Variants in DCDC2C observed in about 807,000 individuals in gnomAD.
DCDC2C encodes the protein doublecortin domain-containing protein 2C.
Under a neutral mutation model 45.0 loss-of-function variants are expected in DCDC2C, and 44 were observed. The ratio of observed to expected loss-of-function variants is 0.98; its 90% CI spans 0.77 to 1.26. The LOEUF (loss-of-function observed/expected upper bound fraction) is 1.26, where lower values mean the gene tolerates loss of function less well. Among genes scored for constraint, DCDC2C ranks in the 50% most tolerant of loss-of-function variants. The pLI is 0.00. For synonymous variants in DCDC2C, 187 were observed against 178.8 expected, an observed-to-expected ratio of 1.05 and a Z score of -0.37; for missense variants, 447 against 468.9, an observed-to-expected ratio of 0.95 and a Z score of 0.43.
chr2:3,764,375 G>A (rs748906322), intron 6 of DCDC2C, among the ~76,000 whole-genome samples: 1 of 152,116 alleles, frequency 6.6e-6, no homozygotes, highest in Non-Finnish European at 1.5e-5. Context: ...TGTAATTTGC[G>A]CTGTTTAAGA....
chr2:3,744,538 C>T (rs1572578911), intron 4 of DCDC2C, among the ~76,000 whole-genome samples: 1 of 152,150 alleles, frequency 6.6e-6, no homozygotes, highest in Admixed American at 6.5e-5. Flanking sequence ...GGGAAAACGC[C>T]GTGCAGCAAG....
chr2:3,706,821 A>T (rs888134327), intron 1 of DCDC2C, among the ~76,000 whole-genome samples: 1 of 152,236 alleles, frequency 6.6e-6, no homozygotes, highest in Non-Finnish European at 1.5e-5. Flanking sequence ...TTGGCCTCAG[A>T]GCCAGAGACT....
chr2:3,817,357 G>A (rs1219074589), intron 10 of DCDC2C, among the ~76,000 whole-genome samples: 1 of 152,196 alleles, frequency 6.6e-6, no homozygotes, highest in East Asian at 1.9e-4. Flanking sequence ...GCATGGTGGT[G>A]CAGGATATGG....
In DCDC2C at chr2:3,785,157, A is replaced by C. The variant is rs1448795087; in HGVS notation, c.1065+57A>C. On this transcript the variant is annotated intron_variant, in intron 10 of 10. Coordinates refer to ENST00000399143, the MANE Select transcript of DCDC2C (RefSeq NM_001287444.2). ...CGTTTTCTATTCTGAAGACAGACCT[A>C]ACAAGAGAATCCACGGATCCCCAAA... 5 of 1,196,960 alleles carry C rather than the reference A, an allele frequency of 4.2e-6. No homozygotes were observed. In the African/African-American group the frequency reaches 4.7e-5, roughly 11 times the overall value. 74.1% of individuals were successfully genotyped at this position (1,196,960 alleles called of 1,614,324 possible). A position where few individuals can be genotyped will look rare whatever the true frequency, so the allele number is the denominator to read the frequency against.
At chr2:3,846,587 A>G (rs570003223) in intron 10 of DCDC2C, among the ~76,000 whole-genome samples, 1 of 152,344 alleles carries the variant, frequency 6.6e-6, no homozygotes, top group Admixed American at 6.5e-5. Context: ...GGTAAAGGAG[A>G]TTCATTTTAC....
chr2:3,734,588 G>A lies in DCDC2C; in HGVS notation c.417-7332G>A, dbSNP rs779512182. On this transcript the variant is annotated intron_variant, in intron 3 of 10. Coordinates refer to ENST00000399143, the MANE Select transcript of DCDC2C (RefSeq NM_001287444.2). The surrounding 1 kb of genome is among the most constrained non-coding windows in gnomAD (Gnocchi z 4.2). ...AGAAATGCTGTGTTCTCATTAAGCA[G>A]TGGGGTCTGTAGGGTCTGAACGGGA... is the stretch of plus-strand genomic sequence containing the variant. Among the ~76,000 whole-genome samples, 8 of 152,224 alleles carry A rather than the reference G, an allele frequency of 5.3e-5. No homozygotes were observed. Among genetic ancestry groups the A allele is most frequent in the Non-Finnish European group, 8.8e-5 (6 of 68,044 alleles).
At chr2:3,835,834 C>T (rs1672062800) in intron 10 of DCDC2C, among the ~76,000 whole-genome samples, 1 of 152,074 alleles carries the variant, frequency 6.6e-6, no homozygotes, top group African/African-American at 2.4e-5. Flanking sequence ...GCATCAAACT[C>T]CTGGGCTCAA....
chr2:3,703,888 T>C lies in DCDC2C; in HGVS notation c.137T>C (p.Leu46Pro). 1 of 1,324,320 alleles carries C rather than the reference T, an allele frequency of 7.6e-7. No homozygotes were observed. The highest frequency in any genetic ancestry group is 9.7e-7 in the Non-Finnish European group (1 of 1,032,628). 82.0% of individuals were successfully genotyped at this position (1,324,320 alleles called of 1,614,324 possible). The stretch of plus-strand genomic sequence containing the variant: ...CGCCGCGCGGCCACCTTCGAGGCGC[T>C]GCTGGAGCAGCTCACGGAGCAGGTG... Reference protein sequence around the residue: ...SRRRAATFEALLEQLTEQVDV... With the variant: ...SRRRAATFEAPLEQLTEQVDV... The change falls in exon 1 of 11, where the codon CTG (leucine) becomes CCG (proline). Residue 46 changes from leucine to proline, a missense_variant. Transcript: ENST00000399143. This position sits in a 1 kb window ranked among gnomAD's most constrained non-coding sequence, Gnocchi z 4.4.
At position 3,752,601 on chromosome 2, in the gene DCDC2C, C is replaced by T. The variant is rs184695782; in HGVS notation, c.546-162C>T. 333 of 789,512 alleles carry T rather than the reference C, an allele frequency of 4.2e-4. No homozygotes were observed. In the African/African-American group the frequency reaches 4.2e-3, roughly 10 times the overall value. 48.9% of individuals were successfully genotyped at this position (789,512 alleles called of 1,614,324 possible). ...AGTCTAATCCTGGAAGAGCAGTTCC[C>T]GTCGGGTTTAATTGGCCCGTTTGGA... is the stretch of plus-strand genomic sequence containing the variant. On this transcript the variant is annotated intron_variant, in intron 4 of 10. Coordinates refer to ENST00000399143, the MANE Select transcript of DCDC2C (RefSeq NM_001287444.2).
intron 10 of DCDC2C, among the ~76,000 whole-genome samples, chr2:3,791,269 T>C (rs541519945): frequency 2.0e-5 from 3 of 152,346 alleles, no homozygotes; most frequent in Admixed American, 6.5e-5. Context: ...AGGTATTGCA[T>C]TGGCATTTTA....
intron 1 of DCDC2C, among the ~76,000 whole-genome samples, chr2:3,704,935 T>G (rs1242866146): frequency 6.6e-6 from 1 of 152,190 alleles, no homozygotes; most frequent in Non-Finnish European, 1.5e-5. Flanking sequence ...TGATCTCAGC[T>G]GCTTTTCTCT....
At chr2:3,777,000 C>A (rs1299478348) in intron 8 of DCDC2C, among the ~76,000 whole-genome samples, 26 of 152,096 alleles carry the variant, frequency 1.7e-4, no homozygotes, top group Admixed American at 1.7e-3. Flanking sequence ...ATCTCTCCAC[C>A]CCTCTCTGCC....
At position 3,783,317 on chromosome 2, in the gene DCDC2C, G is replaced by A. The variant is rs554133078; in HGVS notation, c.1024-1742G>A. Among the ~76,000 whole-genome samples the A allele has an allele frequency of 3.3e-5, 5 of 152,162 alleles. No homozygotes were observed. The East Asian group carries it at 7.7e-4, about 24-fold the overall frequency. ...ATCCTGTGCATGTTCTGGCCTATCCGGAGCTGTGCCTGATGCCTGCTGCAC... is the reference window on the plus strand; with the variant it reads ...ATCCTGTGCATGTTCTGGCCTATCCAGAGCTGTGCCTGATGCCTGCTGCAC... On this transcript the variant is annotated intron_variant, in intron 9 of 10. Coordinates refer to ENST00000399143, the MANE Select transcript of DCDC2C (RefSeq NM_001287444.2).
chr2:3,746,641 G>A (rs191589878), intron 4 of DCDC2C, among the ~76,000 whole-genome samples: 43 of 152,300 alleles, frequency 2.8e-4, no homozygotes, highest in African/African-American at 1.0e-3. Flanking sequence ...CTAGGAGCCG[G>A]GAGGTGATAA....
intron 10 of DCDC2C, among the ~76,000 whole-genome samples, chr2:3,816,656 T>C (rs908164125): frequency 6.6e-6 from 1 of 152,154 alleles, no homozygotes; most frequent in East Asian, 1.9e-4. Flanking sequence ...CTTATCAGGG[T>C]GAAAGTATTG....
At position 3,797,154 on chromosome 2, in the gene DCDC2C, C is replaced by T. The variant is rs575917009; in HGVS notation, c.1065+12054C>T. 7.8e-3 allele frequency among the ~76,000 whole-genome samples: 1,185 copies of T among 152,258 alleles called. 13 individuals carry two copies. Among genetic ancestry groups the T allele is most frequent in the African/African-American group, 0.027 (1,137 of 41,556 alleles). On this transcript the variant is annotated intron_variant, in intron 10 of 10. Transcript: ENST00000399143. ...TCTTCTAGATTTTCTAGTTTATTTG[C>T]GTAGAGTTGTTTGTAGTATTCTCTG...
intron 6 of DCDC2C, 84 bp downstream of exon 6, chr2:3,754,718 C>A (rs755256900): frequency 1.4e-5 from 17 of 1,227,748 alleles, no homozygotes; most frequent in Non-Finnish European, 1.8e-5. Context: ...CGCAGGGTGA[C>A]GGCCCGAGCT....
chr2:3,734,503 G>A lies in DCDC2C; in HGVS notation c.417-7417G>A, dbSNP rs1668964214. ...GTGGAGGGGTTAAGGCTTTGATGGT[G>A]TAGTATGGTTATGTGAGGGGGAAAG... On this transcript the variant is annotated intron_variant, in intron 3 of 10. Coordinates refer to ENST00000399143, the MANE Select transcript of DCDC2C (RefSeq NM_001287444.2). The surrounding 1 kb of genome is among the most constrained non-coding windows in gnomAD (Gnocchi z 4.2). Among the ~76,000 whole-genome samples the A allele has an allele frequency of 6.6e-6, 1 of 152,216 alleles. No homozygotes were observed. The highest frequency in any genetic ancestry group is 6.5e-5 in the Admixed American group (1 of 15,290).
At chr2:3,827,314 G>C (rs1321890330) in intron 10 of DCDC2C, among the ~76,000 whole-genome samples, 3 of 152,178 alleles carry the variant, frequency 2.0e-5, no homozygotes, top group African/African-American at 7.2e-5. Context: ...AGCAGGGGCA[G>C]GGATGGGGGT....
Sources: gnomAD v4.1 joint callset for allele counts (sites outside exome capture counted in the v4.1 genomes callset) on GRCh38, gnomAD v4.1.1 for gene constraint, Gnocchi (gnomAD v3.1) non-coding constraint, MANE v1.5 for transcripts, NCBI Gene and HGNC (gene_info 2026-07-23, HGNC 2026-07-21) for gene names.